Variants in ZFHX3 observed in about 807,000 individuals in gnomAD.
ZFHX3 encodes the protein zinc finger homeobox protein 3.
A neutral mutation model predicts 279.1 loss-of-function variants in ZFHX3; 42 were observed. The observed-to-expected ratio is 0.15, with a 90% confidence interval of 0.12 to 0.19. ZFHX3 has a LOEUF of 0.19. Ranked by LOEUF, ZFHX3 falls within the 10% of genes least tolerant of loss-of-function variation. The probability of loss-of-function intolerance (pLI) is 1.00; values close to 1 mark genes in which losing one functional copy is unlikely to be tolerated. For synonymous variants in ZFHX3, 2,293 were observed against 1,957.8 expected, an observed-to-expected ratio of 1.17 and a Z score of -4.52; for missense variants, 4,981 against 4,754.0, an observed-to-expected ratio of 1.05 and a Z score of -1.40.
At chr16:73,793,524 C>T (rs764533597) in intron 1 of ZFHX3, among the ~76,000 whole-genome samples, 22 of 152,212 alleles carry the variant, frequency 1.4e-4, no homozygotes, top group Non-Finnish European at 2.4e-4. Flanking sequence ...AAGCACTTTG[C>T]TTGACTACGC....
At chr16:73,760,126 C>A (rs2053849266) in intron 1 of ZFHX3, among the ~76,000 whole-genome samples, 1 of 151,800 alleles carries the variant, frequency 6.6e-6, no homozygotes, top group African/African-American at 2.4e-5. Context: ...ACTACTTACT[C>A]CACAGAAATA....
At chr16:73,796,844 T>C (rs1567413535) in intron 1 of ZFHX3, among the ~76,000 whole-genome samples, 1 of 152,132 alleles carries the variant, frequency 6.6e-6, no homozygotes, top group South Asian at 2.1e-4. Flanking sequence ...CCCTTCCTTG[T>C]TGGGGCTGTA....
At chr16:73,169,497 CTGGG>C (rs1396721548) in intron 5 of ZFHX3, among the ~76,000 whole-genome samples, 2 of 152,014 alleles carry the variant, frequency 1.3e-5, no homozygotes, top group African/African-American at 4.8e-5. Context: ...AAAAAATTAG[CTGGG>C]TGTGGTGGCG....
chr16:73,414,733 G>A (rs2017536790), intron 3 of ZFHX3, among the ~76,000 whole-genome samples: 2 of 152,168 alleles, frequency 1.3e-5, no homozygotes, highest in East Asian at 1.9e-4. Context: ...AGCTGCTTGT[G>A]AGGCTGAGGT....
At chr16:73,857,422 A>G (rs2142386215) in intron 1 of ZFHX3, among the ~76,000 whole-genome samples, 1 of 152,302 alleles carries the variant, frequency 6.6e-6, no homozygotes, top group African/African-American at 2.4e-5. Context: ...GGTAGGAGGG[A>G]CACATCCCCT....
intron 3 of ZFHX3, among the ~76,000 whole-genome samples, chr16:72,928,614 C>T (rs1959618743): frequency 6.6e-6 from 1 of 152,090 alleles, no homozygotes; most frequent in Non-Finnish European, 1.5e-5. Context: ...ATAAGATTAC[C>T]CCTGGAAGAC....
intron 1 of ZFHX3, among the ~76,000 whole-genome samples, chr16:73,024,672 G>A (rs747375061): frequency 1.3e-5 from 2 of 152,210 alleles, no homozygotes; most frequent in East Asian, 1.9e-4. Flanking sequence ...GTCGGGTTCC[G>A]CCTCCCAGAA....
chr16:73,880,322 G>A (rs988727677), intron 1 of ZFHX3, among the ~76,000 whole-genome samples: 1 of 152,054 alleles, frequency 6.6e-6, no homozygotes, highest in Non-Finnish European at 1.5e-5. Context: ...AAATTAAGGG[G>A]CTTCACTATT....
chr16:73,657,439 C>A (rs142417172), intron 2 of ZFHX3, among the ~76,000 whole-genome samples: 8 of 152,318 alleles, frequency 5.3e-5, no homozygotes, highest in African/African-American at 1.9e-4. Flanking sequence ...GCCTGGGTGA[C>A]AGAGCAAGAC....
chr16:73,486,825 T>C (rs1219560843), intron 2 of ZFHX3: 1 of 456,078 alleles, frequency 2.2e-6, no homozygotes, highest in South Asian at 1.5e-5. Context: ...TGGTCCACTC[T>C]GCACTTTAGG....
At chr16:73,659,421 C>T (rs2052756080) in intron 2 of ZFHX3, among the ~76,000 whole-genome samples, 1 of 151,850 alleles carries the variant, frequency 6.6e-6, no homozygotes, top group Non-Finnish European at 1.5e-5. Context: ...CGATTAGAAG[C>T]CACGTACAAT....
intron 5 of ZFHX3, among the ~76,000 whole-genome samples, chr16:73,153,475 GA>G (rs1222972178): frequency 6.6e-6 from 1 of 152,000 alleles, no homozygotes; most frequent in Non-Finnish European, 1.5e-5. Context: ...TGGAGTCATT[GA>G]AAATGGCCTC....
intron 5 of ZFHX3, among the ~76,000 whole-genome samples, chr16:73,244,862 G>T (rs1265540182): frequency 6.6e-6 from 1 of 152,144 alleles, no homozygotes; most frequent in Non-Finnish European, 1.5e-5. Context: ...AACCAGCAGG[G>T]GTTGAGAAGA....
At chr16:73,384,092 C>A (rs940113267) in intron 3 of ZFHX3, among the ~76,000 whole-genome samples, 1 of 152,246 alleles carries the variant, frequency 6.6e-6, no homozygotes, top group Admixed American at 6.5e-5. Context: ...ACAGAGGCAA[C>A]AACCATGTGA....
In ZFHX3 at chr16:72,850,439, T is replaced by C. The variant is rs116395763; in HGVS notation, c.3449-20580A>G. On this transcript the variant is annotated intron_variant, in intron 4 of 9. Coordinates refer to ENST00000268489, the MANE Select transcript of ZFHX3 (RefSeq NM_006885.4). ...ATTTTCATGTGTGTTGAAATACACATAGTCAATCATTTCAACAGCACTTAT... is the reference window on the plus strand; with the variant it reads ...ATTTTCATGTGTGTTGAAATACACACAGTCAATCATTTCAACAGCACTTAT... 4.8e-3 allele frequency among the ~76,000 whole-genome samples: 724 copies of C among 152,328 alleles called. 3 individuals are homozygous for C. The highest frequency in any genetic ancestry group is 0.014 in the Middle Eastern group (4 of 294).
chr16:73,307,848 T>A (rs1197871390), intron 4 of ZFHX3, among the ~76,000 whole-genome samples: 1 of 152,106 alleles, frequency 6.6e-6, no homozygotes, highest in African/African-American at 2.4e-5. Flanking sequence ...TCAGATTAAA[T>A]GAACTGTGGG....
At chr16:73,888,719 C>A (rs936785873) in intron 1 of ZFHX3, among the ~76,000 whole-genome samples, 1 of 152,182 alleles carries the variant, frequency 6.6e-6, no homozygotes, top group African/African-American at 2.4e-5. Context: ...GAAGATACTT[C>A]TGTGGGCAGC....
intron 2 of ZFHX3, among the ~76,000 whole-genome samples, chr16:73,503,734 C>G (rs545658863): frequency 2.0e-5 from 3 of 152,190 alleles, no homozygotes; most frequent in Non-Finnish European, 1.5e-5. Context: ...GTGGGGGAGG[C>G]TTCCTCCATG....
At chr16:73,367,708 T>C (rs2016554716) in intron 3 of ZFHX3, among the ~76,000 whole-genome samples, 1 of 152,194 alleles carries the variant, frequency 6.6e-6, no homozygotes, top group South Asian at 2.1e-4. Flanking sequence ...ATCAACGGTA[T>C]CCTCTGAGCC....
Sources: allele counts gnomAD v4.1 joint callset (sites outside exome capture counted in the v4.1 genomes callset), GRCh38; gene constraint gnomAD v4.1.1; transcripts MANE v1.5; gene names NCBI Gene and HGNC (gene_info 2026-07-23, HGNC 2026-07-21).